CPQ: variants seen among roughly 807,000 people sequenced by gnomAD.
CPQ encodes the protein carboxypeptidase Q, also known as Ser-Met dipeptidase.
Under a neutral mutation model 45.7 loss-of-function variants are expected in CPQ, and 37 were observed. The observed-to-expected ratio is 0.81, with a 90% CI of 0.62 to 1.07. The LOEUF is 1.07. CPQ is among the 50% of genes least tolerant of loss of function. CPQ has a pLI of 0.00. For synonymous variants in CPQ, 186 were observed against 205.8 expected (o/e 0.90, Z 0.82); for missense variants, 537 against 572.9 (o/e 0.94, Z 0.64).
At chr8:97,021,645 A>G (rs1306441273) in intron 5 of CPQ, among the ~76,000 whole-genome samples, 1 of 152,194 alleles carries the variant, frequency 6.6e-6, no homozygotes, top group Non-Finnish European at 1.5e-5. Context: ...AATACTTAGG[A>G]ATATACCTAA....
intron 4 of CPQ, among the ~76,000 whole-genome samples, chr8:96,959,891 CA>C (rs540520742): frequency 0.17 from 13,886 of 80,606 alleles, 1,313 homozygotes; most frequent in African/African-American, 0.37. Flanking sequence ...ATCACAAAAG[CA>C]AAAAAAAAAA....
At chr8:96,874,206 A>C (rs1812116947) in intron 3 of CPQ, among the ~76,000 whole-genome samples, 1 of 151,838 alleles carries the variant, frequency 6.6e-6, no homozygotes, top group Admixed American at 6.6e-5. Flanking sequence ...TCATAAGCCA[A>C]GTCCATGGAA....
chr8:96,696,539 T>A (rs1163844239), intron 1 of CPQ, among the ~76,000 whole-genome samples: 2 of 151,124 alleles, frequency 1.3e-5, no homozygotes, highest in Non-Finnish European at 3.0e-5. Flanking sequence ...CAGAAATAAA[T>A]AAAATTAAAA....
chr8:97,102,241 G>A (rs1394116737), intron 7 of CPQ, among the ~76,000 whole-genome samples: 1 of 152,156 alleles, frequency 6.6e-6, no homozygotes, highest in Non-Finnish European at 1.5e-5. Context: ...TTCAAAGAAA[G>A]CTGCTCGATA....
chr8:96,675,683 A>G (rs1474173752), intron 1 of CPQ, among the ~76,000 whole-genome samples: 1 of 152,050 alleles, frequency 6.6e-6, no homozygotes, highest in Non-Finnish European at 1.5e-5. Context: ...CTATTTCTCC[A>G]TTCCCTTTCC....
Position 96,721,633 on chromosome 8 carries a change from T to C in CPQ, c.-34-63231T>C, listed in dbSNP as rs191966565. Among the ~76,000 whole-genome samples the C allele has an allele frequency of 1.1e-3, 174 of 152,166 alleles. 2 individuals are homozygous for C. Among genetic ancestry groups the C allele is most frequent in the African/African-American group, 4.0e-3 (165 of 41,550 alleles). On this transcript the variant is annotated intron_variant, in intron 1 of 7. Coordinates refer to ENST00000220763, the MANE Select transcript of CPQ (RefSeq NM_016134.4). ...CCATACTACCTCCAGAGTGAACTTT[T>C]TGAAACACAAAAACACAAATCTCCT...
intron 4 of CPQ, among the ~76,000 whole-genome samples, chr8:96,913,342 G>T (rs1030990534): frequency 6.6e-6 from 1 of 152,132 alleles, no homozygotes; most frequent in African/African-American, 2.4e-5. Flanking sequence ...ACACATCATC[G>T]CTGTGGTACT....
At chr8:96,777,387 C>A (rs1810618887) in intron 1 of CPQ, among the ~76,000 whole-genome samples, 1 of 151,868 alleles carries the variant, frequency 6.6e-6, no homozygotes, top group Admixed American at 6.6e-5. Context: ...CAACTTACCA[C>A]CCCTCATACG....
rs553403131 is a variant in CPQ at position 97,131,587 on chromosome 8, C to G, written c.1256-11433C>G. Among the ~76,000 whole-genome samples the G allele has an allele frequency of 8.5e-5, 13 of 152,288 alleles. No homozygotes were observed. In the South Asian group the frequency reaches 2.3e-3, roughly 27 times the overall value. On this transcript the variant is annotated intron_variant, in intron 7 of 7. Coordinates refer to ENST00000220763, the MANE Select transcript of CPQ (RefSeq NM_016134.4). ...ATTTTGTTTCAGACTCTTGGTCCCT[C>G]TAGCTATAATTCTACTTCTGACAGT...
chr8:96,672,047 T>C (rs1044909613), intron 1 of CPQ, among the ~76,000 whole-genome samples: 10 of 151,786 alleles, frequency 6.6e-5, no homozygotes, highest in African/African-American at 2.4e-4. Context: ...ATCAGATAAT[T>C]GTCTCTCTGT....
intron 7 of CPQ, among the ~76,000 whole-genome samples, chr8:97,121,073 A>G (rs754740667): frequency 9.9e-5 from 15 of 152,188 alleles, no homozygotes; most frequent in Admixed American, 2.0e-4. Context: ...TGGAGTCAAT[A>G]TTCAAACTCA....
chr8:97,110,996 A>G (rs35066370), intron 7 of CPQ, among the ~76,000 whole-genome samples: 13,449 of 152,220 alleles, frequency 0.088, 702 homozygotes, highest in Non-Finnish European at 0.11. Context: ...AAGTGATACA[A>G]ATTATTGGAT....
chr8:97,038,966 A>G (rs926729909), intron 6 of CPQ, among the ~76,000 whole-genome samples: 2 of 152,208 alleles, frequency 1.3e-5, no homozygotes, highest in Non-Finnish European at 2.9e-5. Context: ...TTTTAGTGAA[A>G]GAGATTTGTA....
At position 96,918,594 on chromosome 8, in the gene CPQ, C is replaced by A. The variant is rs567274044; in HGVS notation, c.849+38589C>A. On this transcript the variant is annotated intron_variant, in intron 4 of 7. Coordinates refer to ENST00000220763, the MANE Select transcript of CPQ (RefSeq NM_016134.4). ...CTTCATTGAGTGTATTTATGCATAG[C>A]TAGGAATAGGGCTGCTGGTGTCTGG... Among the ~76,000 whole-genome samples the A allele has an allele frequency of 4.6e-5, 7 of 152,176 alleles. No homozygotes were observed. In the South Asian group the frequency reaches 1.5e-3, roughly 32 times the overall value.
intron 1 of CPQ, among the ~76,000 whole-genome samples, chr8:96,768,063 T>A (rs1810492256): frequency 6.6e-6 from 1 of 152,148 alleles, no homozygotes; most frequent in Non-Finnish European, 1.5e-5. Flanking sequence ...TCCTAATTCC[T>A]TTTTTTAAAG....
chr8:96,777,360 T>A (rs1810618497), intron 1 of CPQ, among the ~76,000 whole-genome samples: 1 of 143,052 alleles, frequency 7.0e-6, no homozygotes, highest in Non-Finnish European at 1.6e-5. Flanking sequence ...TGCCCTAGAG[T>A]GCTGCAACAG....
intron 1 of CPQ, among the ~76,000 whole-genome samples, chr8:96,688,723 G>T (rs1312392247): frequency 1.3e-5 from 2 of 151,938 alleles, no homozygotes; most frequent in Non-Finnish European, 2.9e-5. Flanking sequence ...CTGTAATTCT[G>T]TTGCTTGACT....
chr8:96,832,471 G>A (rs1449731316), intron 2 of CPQ, among the ~76,000 whole-genome samples: 1 of 152,168 alleles, frequency 6.6e-6, no homozygotes, highest in Non-Finnish European at 1.5e-5. Context: ...GCCAGGCACT[G>A]GGTTAGTCCC....
intron 1 of CPQ, among the ~76,000 whole-genome samples, chr8:96,741,751 G>A (rs1019161249): frequency 6.6e-6 from 1 of 151,742 alleles, no homozygotes; most frequent in African/African-American, 2.4e-5. Flanking sequence ...TCATTCAGGA[G>A]CAGGTTGTTC....
Sources: gnomAD v4.1 joint callset for allele counts (sites outside exome capture counted in the v4.1 genomes callset) on GRCh38, gnomAD v4.1.1 for gene constraint, MANE v1.5 for transcripts, NCBI Gene and HGNC (gene_info 2026-07-23, HGNC 2026-07-21) for gene names.